C8orf74: variants seen among roughly 807,000 people sequenced by gnomAD.
C8orf74 encodes uncharacterized protein C8orf74.
A neutral mutation model predicts 22.2 loss-of-function variants in C8orf74; 29 were observed. That is an observed-to-expected ratio of 1.31 (90% confidence interval 0.97 to 1.78). The LOEUF is 1.78. Ranked by LOEUF, C8orf74 falls within the 40% of genes most tolerant of loss-of-function variation. The probability of loss-of-function intolerance (pLI) is 0.00; values close to 1 mark genes in which losing one functional copy is unlikely to be tolerated. For synonymous variants in C8orf74, 255 were observed against 163.1 expected, an observed-to-expected ratio of 1.56 and a Z score of -4.30; for missense variants, 515 against 369.9, an observed-to-expected ratio of 1.39 and a Z score of -3.22.
intron 2 of C8orf74, chr8:10,690,723 G>A: frequency 2.7e-6 from 1 of 375,726 alleles, no homozygotes. Context: ...GGGTATGAGG[G>A]CCCAAGGAAG....
At chr8:10,692,946 A>G (rs967789741) in intron 2 of C8orf74, 2 of 152,238 alleles carry the variant, frequency 1.3e-5, no homozygotes, top group African/African-American at 4.8e-5. Flanking sequence ...AACAAATCAC[A>G]CAAGTAAAAT....
Position 10,697,613 on chromosome 8 carries a change from G to C in C8orf74, c.256G>C (p.Glu86Gln). The part of the protein sequence containing the change: ...LRETKGCSIT[E>Q]AVTILGNKLR... Reference sequence around the variant, plus strand: ...TGTGCCTACAGGCTGCTCCATTACTGAGGCTGTGACGATCCTGGGGAACAA... The same window carrying C: ...TGTGCCTACAGGCTGCTCCATTACTCAGGCTGTGACGATCCTGGGGAACAA... Residue 86 changes from glutamate to glutamine, a missense_variant, in exon 3 of 4, where the codon GAG (glutamate) becomes CAG (glutamine). Glu to Gln is a conservative substitution (Grantham distance 29). Coordinates refer to ENST00000304519, the MANE Select transcript of C8orf74 (RefSeq NM_001040032.2). 6.2e-7 allele frequency: 1 copy of C among 1,613,756 alleles called. No individual in the cohort carries two copies. The highest frequency in any genetic ancestry group is 8.5e-7 in the Non-Finnish European group (1 of 1,179,778).
At chr8:10,680,966 T>A (rs765598095) in intron 2 of C8orf74, among the ~76,000 whole-genome samples, 11 of 152,028 alleles carry the variant, frequency 7.2e-5, no homozygotes, top group Non-Finnish European at 1.3e-4. Context: ...GGGCTTTCAG[T>A]CATCTTGGAA....
At chr8:10,674,609 A>G (rs1586027521) in intron 1 of C8orf74, 37 bp from the exon 2 acceptor site, 3 of 1,451,186 alleles carry the variant, frequency 2.1e-6, no homozygotes, top group Non-Finnish European at 2.8e-6. Flanking sequence ...TGCAACCCCC[A>G]CATCATACCC....
intron 2 of C8orf74, among the ~76,000 whole-genome samples, chr8:10,682,976 G>A (rs570537280): frequency 3.3e-5 from 5 of 152,236 alleles, no homozygotes; most frequent in Admixed American, 1.3e-4. Context: ...GCCCAAGGCC[G>A]CACCTCGAGT....
chr8:10,683,865 G>A (rs983588328), intron 2 of C8orf74, among the ~76,000 whole-genome samples: 3 of 152,186 alleles, frequency 2.0e-5, no homozygotes, highest in African/African-American at 4.8e-5. Context: ...GTGAGCGGCC[G>A]GTGCTTCTGG....
At chr8:10,673,292 G>T (rs1368329174) in intron 1 of C8orf74, among the ~76,000 whole-genome samples, 3 of 152,098 alleles carry the variant, frequency 2.0e-5, no homozygotes, top group Admixed American at 1.3e-4. Context: ...AGTGGCACTT[G>T]CTTCTCCTAC....
rs761892693 is a variant in C8orf74, at chr8:10,700,441, C to A, written c.855C>A (p.Ser285Arg). ...QEEALKPQRA[S>R]KGKKAKARK ...AAGCCCTGAAGCCCCAAAGAGCGAG[C>A]AAAGGAAAGAAAGCGAAGGCAAGGA... Residue 285 changes from serine (S) to arginine (R), a missense_variant, in exon 4 of 4, where the codon AGC becomes AGA. Ser to Arg is a moderately radical substitution (Grantham distance 110). Transcript: ENST00000304519. 1 of 1,600,812 alleles carries A rather than the reference C, an allele frequency of 6.2e-7. No individual in the cohort carries two copies. Among genetic ancestry groups the A allele is most frequent in the Admixed American group, 1.7e-5 (1 of 58,012 alleles).
In C8orf74 at chr8:10,674,674, G is replaced by A; in HGVS notation, c.77G>A (p.Arg26Lys). The A allele has an allele frequency of 1.9e-6, 3 of 1,610,354 alleles. No individual in the cohort carries two copies. The highest frequency in any genetic ancestry group is 2.5e-6 in the Non-Finnish European group (3 of 1,178,378). Residue 26 changes from arginine (R) to lysine (K), a missense_variant, in exon 2 of 4, where the codon AGG becomes AAG. Arg to Lys is a conservative substitution (Grantham distance 26). Coordinates refer to ENST00000304519, the MANE Select transcript of C8orf74 (RefSeq NM_001040032.2). ...CCACAAGGTCGGGAGCGCCTGCGGAGGCTTCTGAACTGGGAGGAGTTTGAC... is the reference window on the plus strand; with the variant it reads ...CCACAAGGTCGGGAGCGCCTGCGGAAGCTTCTGAACTGGGAGGAGTTTGAC... Reference protein sequence around the residue: ...QRPQGRERLRRLLNWEEFDEQ... With the variant: ...QRPQGRERLRKLLNWEEFDEQ...
chr8:10,677,699 T>G (rs1316343025), intron 2 of C8orf74, among the ~76,000 whole-genome samples: 1 of 152,148 alleles, frequency 6.6e-6, no homozygotes, highest in Admixed American at 6.5e-5. Context: ...AGTATTATTC[T>G]TAACATACGG....
chr8:10,684,267 G>T (rs1799215538), intron 2 of C8orf74, among the ~76,000 whole-genome samples: 1 of 152,206 alleles, frequency 6.6e-6, no homozygotes, highest in African/African-American at 2.4e-5. Flanking sequence ...CTAACCTTGA[G>T]ACTTTCTGGC....
intron 3 of C8orf74, among the ~76,000 whole-genome samples, chr8:10,699,721 C>A (rs1379677886): frequency 3.3e-5 from 5 of 152,144 alleles, no homozygotes; most frequent in African/African-American, 1.2e-4. Flanking sequence ...TTTCCCCTGT[C>A]CCCTCCCATG....
intron 3 of C8orf74, 117 bp downstream of exon 3, chr8:10,698,122 C>A: frequency 9.6e-7 from 1 of 1,044,682 alleles, no homozygotes; most frequent in Non-Finnish European, 1.3e-6. Context: ...GGGAGAGATG[C>A]AGGGAGGAAT....
chr8:10,675,719 A>T (rs934598279), intron 2 of C8orf74: 1 of 152,232 alleles, frequency 6.6e-6, no homozygotes, highest in Non-Finnish European at 1.5e-5. Flanking sequence ...TTCTCCTGTG[A>T]TGGTTCCAAC....
At position 10,672,700 on chromosome 8, in the gene C8orf74, T is replaced by G. The variant is rs759618536; in HGVS notation, c.35T>G (p.Val12Gly). Reference sequence around the variant, plus strand: ...TTAACACCCCAGGGAGTGAAAGAAGTCTTCCAACTTCAGGTGAAGGAAGAG... The same window carrying G: ...TTAACACCCCAGGGAGTGAAAGAAGGCTTCCAACTTCAGGTGAAGGAAGAG... Reference protein sequence around the residue: ...ALLTPQGVKEVFQLQRPQGRE... With the variant: ...ALLTPQGVKEGFQLQRPQGRE... Residue 12 changes from valine (V) to glycine (G), a missense_variant, in exon 1 of 4, where the codon GTC becomes GGC. Coordinates refer to ENST00000304519, the MANE Select transcript of C8orf74 (RefSeq NM_001040032.2). 5.8e-6 allele frequency: 9 copies of G among 1,563,188 alleles called. No individual in the cohort carries two copies. In the East Asian group the frequency reaches 1.9e-4, roughly 33 times the overall value.
Position 10,697,923 on chromosome 8 carries a change from T to C in C8orf74, c.566T>C (p.Leu189Pro). Residue 189 changes from leucine (L) to proline (P), a missense_variant, in exon 3 of 4, where the codon CTG becomes CCG. Physicochemically the swap from Leu to Pro is moderately conservative, Grantham distance 98 (BLOSUM62 -3). Transcript: ENST00000304519. The part of the protein sequence containing the change: ...RADVLLLKEA[L>P]RLERENSLQK... ...GACGTGCTGCTCCTGAAAGAGGCGC[T>C]GCGCCTGGAGCGGGAGAACTCGCTG... is the stretch of plus-strand genomic sequence containing the variant. 1 of 1,598,798 alleles carries C rather than the reference T, an allele frequency of 6.3e-7. No homozygotes were observed. The highest frequency in any genetic ancestry group is 8.5e-7 in the Non-Finnish European group (1 of 1,172,902).
At chr8:10,698,032 T>TG in intron 3 of C8orf74, 27 bp downstream of exon 3, 1 of 1,444,326 alleles carries the variant, frequency 6.9e-7, no homozygotes, top group Non-Finnish European at 9.1e-7. Flanking sequence ...CTGCCGTGGG[T>TG]GGGCACCTGG....
intron 2 of C8orf74, among the ~76,000 whole-genome samples, chr8:10,678,209 G>T (rs193205334): frequency 6.6e-6 from 1 of 152,272 alleles, no homozygotes; most frequent in African/African-American, 2.4e-5. Context: ...CTGGGTGCGT[G>T]GTCTAGGGCA....
At chr8:10,699,955 G>A (rs2129059545) in intron 3 of C8orf74, among the ~76,000 whole-genome samples, 1 of 152,338 alleles carries the variant, frequency 6.6e-6, no homozygotes, top group South Asian at 2.1e-4. Context: ...TTAGTTATAG[G>A]CAAGGGCTGA....
Sources: allele counts gnomAD v4.1 joint callset (sites outside exome capture counted in the v4.1 genomes callset), GRCh38; gene constraint gnomAD v4.1.1; transcripts MANE v1.5; gene names NCBI Gene and HGNC (gene_info 2026-07-23, HGNC 2026-07-21).